Variants in TTR observed in about 807,000 individuals in gnomAD.
TTR encodes the protein epididymis luminal protein 111.
A neutral mutation model predicts 13.7 loss-of-function variants in TTR; 8 were observed. The observed-to-expected ratio is 0.58, with a 90% CI of 0.34 to 1.05. The LOEUF (loss-of-function observed/expected upper bound fraction) is 1.05. TTR is among the 50% of genes least tolerant of loss of function. The pLI is 0.02. For synonymous variants in TTR, 75 were observed against 71.7 expected (o/e 1.05, Z -0.23); for missense variants, 135 against 185.5 (o/e 0.73, Z 1.58).
Position 31,591,964 on chromosome 18 carries a change from G to C in TTR, c.62G>C (p.Gly21Ala), listed in dbSNP as rs1469623969. The C allele has an allele frequency of 6.2e-7, 1 of 1,614,112 alleles. No individual in the cohort carries two copies. Among genetic ancestry groups the C allele is most frequent in the East Asian group, 2.2e-5 (1 of 44,884 alleles). ...GGACTGGTATTTGTGTCTGAGGCTG[G>C]CCCTACGGTGAGTGTTTCTGTGACA... ...LAGLVFVSEA[G>A]PTGTGESKCP... The change falls in exon 1 of 4, where the codon GGC becomes GCC. Residue 21 changes from glycine (G) to alanine (A), a missense_variant. By Grantham distance (60) the Gly-to-Ala change is moderately conservative (BLOSUM62 0). Coordinates refer to ENST00000237014, the MANE Select transcript of TTR (RefSeq NM_000371.4).
At chr18:31,595,833 C>T in intron 3 of TTR, 1 of 247,600 alleles carries the variant, frequency 4.0e-6, no homozygotes, top group Non-Finnish European at 8.0e-6. Flanking sequence ...CCACTGAGGT[C>T]AGTCCTATTA....
At chr18:31,592,015 G>A (rs372505076) in intron 1 of TTR, 44 bp downstream of exon 1, 28 of 1,600,478 alleles carry the variant, frequency 1.7e-5, no homozygotes, top group Admixed American at 3.3e-5. Flanking sequence ...TAAGATTCAC[G>A]CTAAATGAAG....
At chr18:31,596,760 G>T (rs2073518819) in intron 3 of TTR, among the ~76,000 whole-genome samples, 1 of 152,162 alleles carries the variant, frequency 6.6e-6, no homozygotes, top group African/African-American at 2.4e-5. Context: ...CCCTTGGAAT[G>T]GAAGGGAAAG....
chr18:31,595,415 A>C, intron 3 of TTR, 160 bp downstream of exon 3: 1 of 1,012,188 alleles, frequency 9.9e-7, no homozygotes, highest in East Asian at 2.6e-5. Flanking sequence ...AATTCACAAC[A>C]CTCTGAGAAG....
At chr18:31,596,660 A>G (rs1263357531) in intron 3 of TTR, among the ~76,000 whole-genome samples, 1 of 142,670 alleles carries the variant, frequency 7.0e-6, no homozygotes, top group Non-Finnish European at 1.5e-5. Context: ...TGCAGTATTC[A>G]TTCAACAAAC....
Position 31,592,906 on chromosome 18 carries a change from A to G in TTR, c.80A>G (p.Glu27Gly). Residue 27 changes from glutamate (E) to glycine (G), a missense_variant, in exon 2 of 4, where the codon GAA becomes GGA. Coordinates refer to ENST00000237014, the MANE Select transcript of TTR (RefSeq NM_000371.4). ...VSEAGPTGTG[E>G]SKCPLMVKVL... Reference sequence around the variant, plus strand: ...CTTCTCTACACCCAGGGCACCGGTGAATCCAAGTGTCCTCTGATGGTCAAA... The same window carrying G: ...CTTCTCTACACCCAGGGCACCGGTGGATCCAAGTGTCCTCTGATGGTCAAA... 1 of 1,614,042 alleles carries G rather than the reference A, an allele frequency of 6.2e-7. No homozygotes were observed. Among genetic ancestry groups the G allele is most frequent in the Non-Finnish European group, 8.5e-7 (1 of 1,179,928 alleles).
At chr18:31,593,856 C>A (rs1350144380) in intron 2 of TTR, among the ~76,000 whole-genome samples, 1 of 152,148 alleles carries the variant, frequency 6.6e-6, no homozygotes, top group Admixed American at 6.5e-5. Flanking sequence ...TCAGGAGACC[C>A]TTTGCATCCA....
At chr18:31,596,114 C>G (rs1421180311) in intron 3 of TTR, 1 of 152,484 alleles carries the variant, frequency 6.6e-6, no homozygotes, top group Non-Finnish European at 1.5e-5. Flanking sequence ...GGACCCAGTC[C>G]CCCTGCCTTC....
chr18:31,592,852 C>T, intron 1 of TTR, 44 bp from the exon 2 acceptor site: 1 of 1,611,386 alleles, frequency 6.2e-7, no homozygotes, highest in East Asian at 2.2e-5. Context: ...TCCTTTCACT[C>T]TGATCAATTT....
intron 2 of TTR, 156 bp downstream of exon 2, chr18:31,593,182 T>C: frequency 9.0e-7 from 1 of 1,108,166 alleles, no homozygotes. Context: ...GATGCCCTCT[T>C]TTTGTTTTGC....
intron 2 of TTR, among the ~76,000 whole-genome samples, chr18:31,593,747 G>C (rs2073499874): frequency 6.6e-6 from 1 of 152,134 alleles, no homozygotes; most frequent in Non-Finnish European, 1.5e-5. Flanking sequence ...TCATTAGCCA[G>C]TTCACAATTT....
At chr18:31,595,088 C>G in intron 2 of TTR, 32 bp from the exon 3 acceptor site, 3 of 1,613,332 alleles carry the variant, frequency 1.9e-6, no homozygotes, top group Non-Finnish European at 2.5e-6. Context: ...TTCCTCCATG[C>G]GTAACTTAAT....
chr18:31,595,762 A>G (rs1474757918), intron 3 of TTR: 1 of 315,414 alleles, frequency 3.2e-6, no homozygotes, highest in Non-Finnish European at 6.2e-6. Flanking sequence ...AGCATACACC[A>G]TGTGGCAGAC....
intron 3 of TTR, chr18:31,596,324 C>G (rs993370861): frequency 6.5e-6 from 1 of 153,106 alleles, no homozygotes; most frequent in Non-Finnish European, 1.5e-5. Flanking sequence ...AGGGAAACAA[C>G]AGGGGTTTGT....
In TTR at chr18:31,598,812, G is replaced by A. The variant is rs1395830044; in HGVS notation, c.*137G>A. On this transcript the variant is annotated 3_prime_UTR_variant, in exon 4 of 4. Coordinates refer to ENST00000237014, the MANE Select transcript of TTR (RefSeq NM_000371.4). ...CAGGCAGAGACAATAAAACATTCCT[G>A]TGAAAGGCACTTTTCATTCCACTTT... 12 of 889,630 alleles carry A rather than the reference G, an allele frequency of 1.3e-5. No homozygotes were observed. The East Asian group carries it at 2.9e-4, about 22-fold the overall frequency. 55.1% of individuals were successfully genotyped at this position (889,630 alleles called of 1,614,324 possible). A position where few individuals can be genotyped will look rare whatever the true frequency, so the allele number is the denominator to read the frequency against.
At chr18:31,595,018 T>C (rs1037298850) in intron 2 of TTR, 102 bp from the exon 3 acceptor site, 2 of 1,294,150 alleles carry the variant, frequency 1.5e-6, no homozygotes, top group Non-Finnish European at 2.2e-6. Flanking sequence ...TCATAACATG[T>C]TTATAACATG....
chr18:31,592,084 A>C, intron 1 of TTR, 113 bp downstream of exon 1: 1 of 1,031,168 alleles, frequency 9.7e-7, no homozygotes, highest in Non-Finnish European at 1.5e-6. Flanking sequence ...AAGGGTACCC[A>C]GCATCTATTT....
intron 3 of TTR, among the ~76,000 whole-genome samples, chr18:31,596,893 G>A (rs1054130150): frequency 2.0e-5 from 3 of 152,194 alleles, no homozygotes; most frequent in East Asian, 1.9e-4. Flanking sequence ...TGACGGGTGC[G>A]TGGTGGGCTT....
At chr18:31,592,095 T>G in intron 1 of TTR, 124 bp downstream of exon 1, 1 of 913,844 alleles carries the variant, frequency 1.1e-6, no homozygotes, top group Admixed American at 2.0e-5. Context: ...GCATCTATTT[T>G]TAATATAATT....
Sources: allele counts gnomAD v4.1 joint callset (sites outside exome capture counted in the v4.1 genomes callset), GRCh38; gene constraint gnomAD v4.1.1; transcripts MANE v1.5; gene names NCBI Gene and HGNC (gene_info 2026-07-23, HGNC 2026-07-21).